The following CHRNA7 variants were observed in gnomAD, a reference collection of about 807,000 sequenced individuals.
The protein encoded by CHRNA7 is cholinergic receptor nicotinic alpha 7 subunit.
CHRNA7 carries 17 observed loss-of-function variants against 48.0 expected under a neutral mutation model. The ratio of observed to expected loss-of-function variants is 0.35; its 90% CI spans 0.24 to 0.53. CHRNA7 has a LOEUF of 0.53. CHRNA7 is among the 20% of genes least tolerant of loss of function. The probability of loss-of-function intolerance (pLI) is 0.92; values close to 1 mark genes in which losing one functional copy is unlikely to be tolerated. For synonymous variants in CHRNA7, 75 were observed against 242.3 expected, an observed-to-expected ratio of 0.31 and a Z score of 6.41; for missense variants, 155 against 577.7, an observed-to-expected ratio of 0.27 and a Z score of 7.50.
At chr15:32,058,823 A>G (rs771283420) in intron 2 of CHRNA7, among the ~76,000 whole-genome samples, 39 of 152,138 alleles carry the variant, frequency 2.6e-4, no homozygotes, top group Non-Finnish European at 5.0e-4. Flanking sequence ...ATCACTGTGT[A>G]TATTTGAAAA....
At chr15:32,143,775 A>C (rs6494248) in intron 4 of CHRNA7, among the ~76,000 whole-genome samples, 63,232 of 151,648 alleles carry the variant, frequency 0.42, 13,578 homozygotes, top group African/African-American at 0.53. Context: ...TGCTTGGTAG[A>C]TCTTCCTCCA....
At chr15:32,135,177 T>G (rs1367569817) in intron 4 of CHRNA7, among the ~76,000 whole-genome samples, 1 of 152,188 alleles carries the variant, frequency 6.6e-6, no homozygotes, top group African/African-American at 2.4e-5. Context: ...ATGCCGGGGA[T>G]AGGTGCTCCC....
rs1167986103 is a variant in CHRNA7, at chr15:32,169,107, T to C, written c.*649T>C. The C allele has an allele frequency of 2.2e-5, 3 of 133,962 alleles. No individual in the cohort carries two copies. Among genetic ancestry groups the C allele is most frequent in the African/African-American group, 8.4e-5 (3 of 35,844 alleles). The allele number at this position is 133,962 out of a possible 1,614,324, so 8.3% of individuals were successfully genotyped here. On this transcript the variant is annotated 3_prime_UTR_variant, in exon 10 of 10. Transcript: ENST00000306901. ...CCAGCCTGCCTGACTTCTGCAAACCTACCCTGTCAAGGAGATCAAAGGGAC... is the reference window on the plus strand; with the variant it reads ...CCAGCCTGCCTGACTTCTGCAAACCCACCCTGTCAAGGAGATCAAAGGGAC...
Position 32,036,899 on chromosome 15 carries a change from A to G in CHRNA7, c.195+5862A>G, listed in dbSNP as rs144571515. Among the ~76,000 whole-genome samples the G allele has an allele frequency of 6.6e-5, 10 of 151,358 alleles. No individual in the cohort carries two copies. The East Asian group carries it at 2.0e-3, about 30-fold the overall frequency. On this transcript the variant is annotated intron_variant, in intron 2 of 9. Transcript: ENST00000306901. ...AGTACCTTGTTTTCTCATTCTCTTT[A>G]CATTGTATTTCACAGAACATACATT...
intron 3 of CHRNA7, among the ~76,000 whole-genome samples, chr15:32,104,270 G>A (rs1038978132): frequency 2.0e-5 from 3 of 151,464 alleles, no homozygotes; most frequent in South Asian, 2.1e-4. Flanking sequence ...ACCCGAGCCC[G>A]TGCCCCCCCC....
At chr15:32,033,696 G>A (rs761641091) in intron 2 of CHRNA7, among the ~76,000 whole-genome samples, 6 of 152,202 alleles carry the variant, frequency 3.9e-5, no homozygotes, top group African/African-American at 9.7e-5. Context: ...AAATCTCAGC[G>A]CTCTGGACAG....
chr15:32,114,051 T>TACACAC (rs1566848908), intron 4 of CHRNA7, among the ~76,000 whole-genome samples: 34 of 57,276 alleles, frequency 5.9e-4, no homozygotes, highest in South Asian at 5.3e-3. Flanking sequence ...TATGTATATA[T>TACACAC]ATATATATAC....
Position 32,149,877 on chromosome 15 carries a change from T to C in CHRNA7, c.351-4030T>C, listed in dbSNP as rs139058638. Among the ~76,000 whole-genome samples, 69 of 152,172 alleles carry C rather than the reference T, an allele frequency of 4.5e-4. No individual in the cohort carries two copies. The East Asian group carries it at 9.8e-3, about 22-fold the overall frequency. ...TGAAAGAAAGGCTTGTAGGAACTTTTTTTTTTTCAGAGTTGAATCACTGAT... is the reference window on the plus strand; with the variant it reads ...TGAAAGAAAGGCTTGTAGGAACTTTCTTTTTTTCAGAGTTGAATCACTGAT... On this transcript the variant is annotated intron_variant, in intron 4 of 9. Transcript: ENST00000306901. This position sits in a 1 kb window ranked among gnomAD's most constrained non-coding sequence, Gnocchi z 4.6.
intron 3 of CHRNA7, chr15:32,102,799 C>T (rs182668520): frequency 1.3e-5 from 2 of 152,130 alleles, no homozygotes; most frequent in South Asian, 4.1e-4. Context: ...ACATGAAAGC[C>T]ACTTTGTTAA....
chr15:32,094,815 C>T (rs532817522), intron 2 of CHRNA7, among the ~76,000 whole-genome samples: 22 of 152,274 alleles, frequency 1.4e-4, no homozygotes, highest in Non-Finnish European at 1.9e-4. Flanking sequence ...TGCCTGCCAC[C>T]GCGCCTGGCT....
chr15:32,148,298 T>G (rs958609801), intron 4 of CHRNA7, among the ~76,000 whole-genome samples: 1 of 152,164 alleles, frequency 6.6e-6, no homozygotes, highest in Admixed American at 6.5e-5. Flanking sequence ...CTGGACTTCT[T>G]TGATGGCTGG....
intron 4 of CHRNA7, among the ~76,000 whole-genome samples, chr15:32,125,751 T>G (rs1385401832): frequency 6.6e-6 from 1 of 152,188 alleles, no homozygotes; most frequent in Non-Finnish European, 1.5e-5. Context: ...CCTCAGGGTC[T>G]GATACAGCAG....
intron 4 of CHRNA7, among the ~76,000 whole-genome samples, chr15:32,130,433 ATCTT>A (rs1211221510): frequency 2.0e-5 from 3 of 151,300 alleles, no homozygotes; most frequent in Non-Finnish European, 3.0e-5. Flanking sequence ...ATTTATATCT[ATCTT>A]TCATAATTTT....
At chr15:32,061,319 G>A (rs2049874856) in intron 2 of CHRNA7, among the ~76,000 whole-genome samples, 1 of 152,162 alleles carries the variant, frequency 6.6e-6, no homozygotes, top group Admixed American at 6.5e-5. Flanking sequence ...CACGTTTCCT[G>A]CGTGGAAAGA....
At chr15:32,115,895 A>G (rs1344807736) in intron 4 of CHRNA7, among the ~76,000 whole-genome samples, 1 of 152,148 alleles carries the variant, frequency 6.6e-6, no homozygotes, top group Non-Finnish European at 1.5e-5. Flanking sequence ...AAGCAAAGGA[A>G]AGAAATCATG....
At chr15:32,151,265 C>T (rs1050272173) in intron 4 of CHRNA7, among the ~76,000 whole-genome samples, 1 of 152,130 alleles carries the variant, frequency 6.6e-6, no homozygotes, top group Non-Finnish European at 1.5e-5. Flanking sequence ...ACTTTAACAT[C>T]TTGCTGGGAT....
At chr15:32,136,853 A>G (rs1411812757) in intron 4 of CHRNA7, among the ~76,000 whole-genome samples, 1 of 128,860 alleles carries the variant, frequency 7.8e-6, no homozygotes, top group East Asian at 2.4e-4. Context: ...AACACGGTGA[A>G]ACCCCGTCTC....
intron 2 of CHRNA7, among the ~76,000 whole-genome samples, chr15:32,085,066 T>C (rs1006377236): frequency 6.6e-6 from 1 of 152,094 alleles, no homozygotes; most frequent in Non-Finnish European, 1.5e-5. Context: ...TGACCTCAGG[T>C]GATCCACCTG....
At chr15:32,120,113 T>C (rs929887985) in intron 4 of CHRNA7, among the ~76,000 whole-genome samples, 1 of 152,212 alleles carries the variant, frequency 6.6e-6, no homozygotes, top group Non-Finnish European at 1.5e-5. Flanking sequence ...TTATGAAGTC[T>C]GTTTGAGTGT....
Sources: gnomAD v4.1 joint callset for allele counts (sites outside exome capture counted in the v4.1 genomes callset) on GRCh38, gnomAD v4.1.1 for gene constraint, Gnocchi (gnomAD v3.1) non-coding constraint, MANE v1.5 for transcripts, NCBI Gene and HGNC (gene_info 2026-07-23, HGNC 2026-07-21) for gene names.